TASP1: variants seen among roughly 807,000 people sequenced by gnomAD.
TASP1 encodes the protein taspase 1, also known as threonine aspartase 1.
Under a neutral mutation model 56.6 loss-of-function variants are expected in TASP1, and 16 were observed. That is an observed-to-expected ratio of 0.28 (90% confidence interval 0.19 to 0.43). TASP1 has a LOEUF of 0.43. Among genes scored for constraint, TASP1 ranks in the 20% least tolerant of loss-of-function variants. The probability of loss-of-function intolerance (pLI) is 1.00; values close to 1 mark genes in which losing one functional copy is unlikely to be tolerated. For missense variants in TASP1, 393 were observed against 511.6 expected (o/e 0.77, Z 2.24); for synonymous variants, 179 against 184.2 (o/e 0.97, Z 0.23).
chr20:13,276,569 T>A, the TASP1 span, among the ~76,000 whole-genome samples: 1 of 152,202 alleles, frequency 6.6e-6, no homozygotes, highest in East Asian at 1.9e-4. Flanking sequence ...TCATCATGAC[T>A]TGAGTGTGAA....
intron 5 of TASP1, among the ~76,000 whole-genome samples, chr20:13,584,589 C>T (rs1273234686): frequency 4.6e-5 from 7 of 152,170 alleles, no homozygotes; most frequent in Non-Finnish European, 7.3e-5. Context: ...ACCTAAGTGA[C>T]ACACACAGAG....
chr20:13,320,743 A>T, the TASP1 span, among the ~76,000 whole-genome samples: 1 of 152,152 alleles, frequency 6.6e-6, no homozygotes, highest in Non-Finnish European at 1.5e-5. Context: ...ATGGTCTAAG[A>T]TGACTGTCCA....
At chr20:13,528,384 G>T in intron 10 of TASP1, 49 bp downstream of exon 10, 1 of 1,517,028 alleles carries the variant, frequency 6.6e-7, no homozygotes, top group Non-Finnish European at 9.1e-7. Context: ...ATCATTAAAT[G>T]ATTGACAAGG....
At chr20:13,265,722 A>G in the TASP1 span, among the ~76,000 whole-genome samples, 10 of 152,180 alleles carry the variant, frequency 6.6e-5, no homozygotes, top group African/African-American at 2.4e-4. Flanking sequence ...ATTACTTTCA[A>G]TGGCAAAACC....
At chr20:13,343,301 C>T in the TASP1 span, among the ~76,000 whole-genome samples, 1 of 152,244 alleles carries the variant, frequency 6.6e-6, no homozygotes, top group African/African-American at 2.4e-5. Flanking sequence ...AGCAGAGGCT[C>T]AGCAGCCCCT....
chr20:13,425,133 T>C (rs532821247), intron 12 of TASP1, among the ~76,000 whole-genome samples: 4 of 152,316 alleles, frequency 2.6e-5, no homozygotes, highest in Admixed American at 2.6e-4. Context: ...CAAGTAAATT[T>C]ATATGCCCAA....
chr20:13,312,534 T>C, the TASP1 span, among the ~76,000 whole-genome samples: 633 of 152,298 alleles, frequency 4.2e-3, 4 homozygotes, highest in Middle Eastern at 0.01. Context: ...TGTTCTAAAT[T>C]CAGCATTTAC....
intron 1 of TASP1, among the ~76,000 whole-genome samples, chr20:13,637,939 G>A (rs1304151939): frequency 6.6e-6 from 1 of 152,150 alleles, no homozygotes; most frequent in Non-Finnish European, 1.5e-5. Flanking sequence ...CAATCTATCC[G>A]TGCAATGAAC....
At chr20:13,305,833 C>CT in the TASP1 span, among the ~76,000 whole-genome samples, 1 of 152,112 alleles carries the variant, frequency 6.6e-6, no homozygotes, top group South Asian at 2.1e-4. Context: ...AAATGCATAC[C>CT]TTTTTTCTTT....
chr20:13,395,769 T>A (rs1319646606), intron 13 of TASP1, among the ~76,000 whole-genome samples: 1 of 151,180 alleles, frequency 6.6e-6, no homozygotes, highest in African/African-American at 2.4e-5. Flanking sequence ...TGGCGCGATC[T>A]CAGCTCACTG....
At chr20:13,477,701 A>T (rs558582301) in intron 11 of TASP1, among the ~76,000 whole-genome samples, 170 of 152,274 alleles carry the variant, frequency 1.1e-3, no homozygotes, top group South Asian at 2.1e-3. Context: ...TAAAAAGGAA[A>T]CTACTTATTT....
At chr20:13,450,618 A>G (rs897588189) in intron 11 of TASP1, among the ~76,000 whole-genome samples, 3 of 152,120 alleles carry the variant, frequency 2.0e-5, no homozygotes, top group Non-Finnish European at 4.4e-5. Flanking sequence ...TTATCATAAA[A>G]TTGCAGCAAT....
chr20:13,389,133 A>C (rs190332185), downstream of TASP1, among the ~76,000 whole-genome samples: 1 of 152,340 alleles, frequency 6.6e-6, no homozygotes, highest in Admixed American at 6.5e-5. Context: ...GAAACTATCG[A>C]GCTTTTAGCT....
chr20:13,352,322 C>T, the TASP1 span, among the ~76,000 whole-genome samples: 5 of 151,948 alleles, frequency 3.3e-5, no homozygotes, highest in South Asian at 2.1e-4. Context: ...TGGTGGAGCA[C>T]GCCTGTAATC....
chr20:13,587,241 C>T lies in TASP1; in HGVS notation c.403+9G>A, dbSNP rs774834191. On this transcript the variant is annotated intron_variant, in intron 5 of 13. Coordinates refer to ENST00000337743, the MANE Select transcript of TASP1 (RefSeq NM_017714.3). The stretch of plus-strand genomic sequence containing the variant: ...TTTCCAAAGATAGTAGGTCATAATG[C>T]CCACATACCACTCAGTGCTCCAACT... The T allele has an allele frequency of 3.1e-6, 5 of 1,604,350 alleles. No homozygotes were observed. Among genetic ancestry groups the T allele is most frequent in the Non-Finnish European group, 4.2e-6 (5 of 1,176,912 alleles).
At chr20:13,362,584 T>C in the TASP1 span, among the ~76,000 whole-genome samples, 20 of 151,260 alleles carry the variant, frequency 1.3e-4, 1 homozygote, top group South Asian at 4.2e-4. Flanking sequence ...TATCTCCCTT[T>C]GCTGACTCTC....
chr20:13,214,548 C>G, the TASP1 span, among the ~76,000 whole-genome samples: 4,562 of 133,698 alleles, frequency 0.034, 111 homozygotes, highest in African/African-American at 0.046. Flanking sequence ...CACACACACA[C>G]ACACACACAC....
the TASP1 span, among the ~76,000 whole-genome samples, chr20:13,321,582 G>C: frequency 1.3e-5 from 2 of 152,198 alleles, no homozygotes; most frequent in African/African-American, 4.8e-5. Context: ...GCCTCAGCCT[G>C]AGCACAGGGA....
chr20:13,228,473 GA>G, the TASP1 span, among the ~76,000 whole-genome samples: 1 of 152,092 alleles, frequency 6.6e-6, no homozygotes, highest in South Asian at 2.1e-4. Flanking sequence ...AGAATTTTAA[GA>G]ATAGAATTTA....
Sources: gnomAD v4.1 joint callset for allele counts (sites outside exome capture counted in the v4.1 genomes callset) on GRCh38, gnomAD v4.1.1 for gene constraint, MANE v1.5 for transcripts, NCBI Gene and HGNC (gene_info 2026-07-23, HGNC 2026-07-21) for gene names.